The following ITGBL1 variants were observed in gnomAD, a reference collection of about 807,000 sequenced individuals.
ITGBL1 encodes the protein integrin beta-like protein 1.
A neutral mutation model predicts 68.5 loss-of-function variants in ITGBL1; 51 were observed. That is an observed-to-expected ratio of 0.74 (90% CI 0.59 to 0.94). The LOEUF is 0.94. Among genes scored for constraint, ITGBL1 ranks in the 40% least tolerant of loss-of-function variants. The pLI is 0.00. For synonymous variants in ITGBL1, 209 were observed against 227.3 expected (o/e 0.92, Z 0.72); for missense variants, 649 against 647.4 (o/e 1.00, Z -0.03).
intron 8 of ITGBL1, among the ~76,000 whole-genome samples, chr13:101,694,739 G>GT (rs910757151): frequency 1.3e-4 from 19 of 151,986 alleles, no homozygotes; most frequent in Admixed American, 1.1e-3. Flanking sequence ...GCTTTTGTAT[G>GT]TTTTTTCTGT....
At chr13:101,533,031 T>C (rs1369314701) in intron 2 of ITGBL1, among the ~76,000 whole-genome samples, 2 of 152,214 alleles carry the variant, frequency 1.3e-5, no homozygotes, top group Admixed American at 6.5e-5. Flanking sequence ...ATCATCATCA[T>C]AGGACATACT....
At chr13:101,458,665 T>A (rs1594820803) in intron 2 of ITGBL1, among the ~76,000 whole-genome samples, 1 of 152,232 alleles carries the variant, frequency 6.6e-6, no homozygotes, top group East Asian at 1.9e-4. Flanking sequence ...GTGTAGTATT[T>A]GCATGTAACC....
At chr13:101,544,710 A>G (rs1341423549) in intron 2 of ITGBL1, among the ~76,000 whole-genome samples, 1 of 152,126 alleles carries the variant, frequency 6.6e-6, no homozygotes, top group African/African-American at 2.4e-5. Flanking sequence ...ACCCAGTTCA[A>G]GCTTCCTGGC....
intron 8 of ITGBL1, among the ~76,000 whole-genome samples, chr13:101,695,881 ATGAAT>A (rs1387181143): frequency 2.6e-5 from 4 of 152,304 alleles, no homozygotes; most frequent in South Asian, 4.1e-4. Context: ...GGAAGAGATG[ATGAAT>A]TGAACTATAA....
chr13:101,699,742 C>A (rs1247216124), intron 8 of ITGBL1, among the ~76,000 whole-genome samples: 1 of 152,174 alleles, frequency 6.6e-6, no homozygotes, highest in East Asian at 1.9e-4. Flanking sequence ...ATGAATGGTC[C>A]ATGTAGATGA....
chr13:101,622,545 T>C (rs2031625319), intron 7 of ITGBL1, among the ~76,000 whole-genome samples: 2 of 152,178 alleles, frequency 1.3e-5, no homozygotes, highest in African/African-American at 2.4e-5. Flanking sequence ...ACTATAATTA[T>C]TTGTTGGTGT....
chr13:101,679,242 A>G (rs2033582990), intron 7 of ITGBL1, among the ~76,000 whole-genome samples: 2 of 152,280 alleles, frequency 1.3e-5, no homozygotes, highest in South Asian at 4.1e-4. Context: ...ATCTGATTAT[A>G]TCAACGACAA....
intron 2 of ITGBL1, among the ~76,000 whole-genome samples, chr13:101,514,596 A>G (rs1338825115): frequency 6.6e-6 from 1 of 152,136 alleles, no homozygotes; most frequent in East Asian, 1.9e-4. Context: ...AATTAATTGT[A>G]TCTATTAATA....
chr13:101,506,098 C>A (rs1255330551), intron 2 of ITGBL1, among the ~76,000 whole-genome samples: 4 of 152,148 alleles, frequency 2.6e-5, no homozygotes, highest in African/African-American at 9.7e-5. Flanking sequence ...GATGGCAAGC[C>A]TACTACAATG....
intron 2 of ITGBL1, among the ~76,000 whole-genome samples, chr13:101,501,903 C>T (rs577863715): frequency 1.3e-5 from 2 of 152,228 alleles, no homozygotes; most frequent in East Asian, 1.9e-4. Flanking sequence ...TTTGGGAATC[C>T]TTTATCACAA....
At chr13:101,495,048 G>A (rs962209457) in intron 2 of ITGBL1, among the ~76,000 whole-genome samples, 25 of 152,192 alleles carry the variant, frequency 1.6e-4, no homozygotes, top group African/African-American at 6.0e-4. Flanking sequence ...CTTAATTGAT[G>A]TTGGAAGGGT....
intron 7 of ITGBL1, among the ~76,000 whole-genome samples, chr13:101,632,474 C>A (rs552201969): frequency 2.2e-4 from 33 of 152,294 alleles, no homozygotes; most frequent in African/African-American, 7.5e-4. Context: ...AAATGGAACA[C>A]CTGCTTTGGA....
At chr13:101,679,109 T>C (rs1219964136) in intron 7 of ITGBL1, among the ~76,000 whole-genome samples, 6 of 151,812 alleles carry the variant, frequency 4.0e-5, no homozygotes, top group Non-Finnish European at 8.8e-5. Context: ...GGTTTCACCA[T>C]GTTGGCCAGG....
At chr13:101,563,801 G>A (rs2050137847) in intron 2 of ITGBL1, among the ~76,000 whole-genome samples, 2 of 151,650 alleles carry the variant, frequency 1.3e-5, no homozygotes, top group Admixed American at 1.3e-4. Context: ...TTTCACTAGG[G>A]CAAAATTTTC....
chr13:101,566,623 G>C (rs1566734682), intron 2 of ITGBL1, among the ~76,000 whole-genome samples: 1 of 152,126 alleles, frequency 6.6e-6, no homozygotes, highest in Non-Finnish European at 1.5e-5. Context: ...CAAATGGGCA[G>C]CCTCCAAGCC....
At chr13:101,554,501 C>A (rs1351668794) in intron 2 of ITGBL1, among the ~76,000 whole-genome samples, 6 of 152,226 alleles carry the variant, frequency 3.9e-5, no homozygotes. Flanking sequence ...TCTACTTGTT[C>A]TCACCATAGG....
intron 2 of ITGBL1, among the ~76,000 whole-genome samples, chr13:101,525,399 A>G (rs12864536): frequency 0.1 from 15,686 of 152,050 alleles, 1,390 homozygotes; most frequent in African/African-American, 0.24. Context: ...CTATAAAAAA[A>G]GTTAGTTGGG....
intron 8 of ITGBL1, among the ~76,000 whole-genome samples, chr13:101,697,237 AAAAAT>A (rs1345830480): frequency 6.6e-6 from 1 of 152,096 alleles, no homozygotes; most frequent in Non-Finnish European, 1.5e-5. Context: ...TCAAAATTAA[AAAAAT>A]ATATAGAGAG....
At chr13:101,481,467 G>A (rs1401495683) in intron 2 of ITGBL1, among the ~76,000 whole-genome samples, 1 of 152,090 alleles carries the variant, frequency 6.6e-6, no homozygotes, top group Non-Finnish European at 1.5e-5. Context: ...TGGAGACTGG[G>A]TTAAGAGGTG....
Sources: allele counts gnomAD v4.1 joint callset (sites outside exome capture counted in the v4.1 genomes callset), GRCh38; gene constraint gnomAD v4.1.1; transcripts MANE v1.5; gene names NCBI Gene and HGNC (gene_info 2026-07-23, HGNC 2026-07-21).